The following SLAMF6 variants were observed in gnomAD, a reference collection of about 807,000 sequenced individuals.
SLAMF6 encodes NK-T-B-antigen.
A neutral mutation model predicts 38.3 loss-of-function variants in SLAMF6; 21 were observed. The observed-to-expected ratio is 0.55, with a 90% CI of 0.39 to 0.79. SLAMF6 has a LOEUF of 0.79. SLAMF6 is among the 30% of genes least tolerant of loss of function. The pLI is 0.00. For synonymous variants in SLAMF6, 152 were observed against 146.3 expected (o/e 1.04, Z -0.28); for missense variants, 341 against 385.3 (o/e 0.89, Z 0.96).
At position 160,517,112 on chromosome 1, in the gene SLAMF6, C is replaced by T. The variant is rs577553414; in HGVS notation, c.49+6032G>A. 1.6e-4 allele frequency among the ~76,000 whole-genome samples: 25 copies of T among 152,230 alleles called. 1 individual carries two copies. Among genetic ancestry groups the T allele is most frequent in the Non-Finnish European group, 2.5e-4 (17 of 68,012 alleles). ...GAGAAAATTTTTGCAATCTATTCAT[C>T]TGTTAAAGGTCTAATATCCAGATTC... On this transcript the variant is annotated intron_variant, in intron 1 of 7. Transcript: ENST00000368057.
chr1:160,496,499 CA>C, intron 1 of SLAMF6, 106 bp from the exon 2 acceptor site: 1 of 1,072,686 alleles, frequency 9.3e-7, no homozygotes, highest in Non-Finnish European at 1.4e-6. Flanking sequence ...TCTCTGATAC[CA>C]AAACTCAGAG....
At position 160,505,592 on chromosome 1, in the gene SLAMF6, G is replaced by A. The variant is rs554081750; in HGVS notation, c.50-9199C>T. Among the ~76,000 whole-genome samples, 384 of 152,138 alleles carry A rather than the reference G, an allele frequency of 2.5e-3. 3 individuals are homozygous for A. Among genetic ancestry groups the A allele is most frequent in the Non-Finnish European group, 3.0e-3 (206 of 67,998 alleles). The stretch of plus-strand genomic sequence containing the variant: ...AATTTTTAAAATATTTTGTAGAGAT[G>A]CAGTTTCACTATGTTGCCCAGGCTG... On this transcript the variant is annotated intron_variant, in intron 1 of 7. Transcript: ENST00000368057.
At chr1:160,507,448 A>G (rs1284103792) in intron 1 of SLAMF6, among the ~76,000 whole-genome samples, 2 of 152,168 alleles carry the variant, frequency 1.3e-5, no homozygotes, top group African/African-American at 4.8e-5. Context: ...AGTTGGAGAC[A>G]TCAATACCTC....
intron 2 of SLAMF6, among the ~76,000 whole-genome samples, chr1:160,494,697 G>C (rs865830935): frequency 3.3e-5 from 5 of 152,138 alleles, no homozygotes; most frequent in African/African-American, 1.2e-4. Flanking sequence ...TGGAGGTAGA[G>C]ATTGGTGTGA....
At chr1:160,488,501 G>A (rs1653089546) in intron 6 of SLAMF6, among the ~76,000 whole-genome samples, 1 of 152,138 alleles carries the variant, frequency 6.6e-6, no homozygotes, top group Non-Finnish European at 1.5e-5. Flanking sequence ...AGGGGTGGTG[G>A]GGAGTTGCTG....
intron 1 of SLAMF6, among the ~76,000 whole-genome samples, chr1:160,521,332 C>A (rs1261638196): frequency 2.0e-5 from 3 of 152,112 alleles, no homozygotes; most frequent in Non-Finnish European, 4.4e-5. Context: ...GTGTTCTGTG[C>A]CTTCTTTCCC....
chr1:160,491,488 T>G (rs1005166134), intron 2 of SLAMF6, 100 bp from the exon 3 acceptor site: 12 of 1,501,498 alleles, frequency 8.0e-6, no homozygotes, highest in Admixed American at 6.1e-5. Context: ...ATTTCACCTT[T>G]GCTGTGTGTT....
intron 2 of SLAMF6, among the ~76,000 whole-genome samples, chr1:160,492,010 G>A (rs1653330347): frequency 6.6e-6 from 1 of 152,176 alleles, no homozygotes; most frequent in Non-Finnish European, 1.5e-5. Context: ...AGTGGGGAAG[G>A]AAGAAGTGAA....
intron 1 of SLAMF6, among the ~76,000 whole-genome samples, chr1:160,515,382 A>G (rs535742848): frequency 1.5e-3 from 231 of 152,020 alleles, no homozygotes; most frequent in African/African-American, 5.2e-3. Context: ...GTCTAAAAGA[A>G]AAAGCCCAGG....
chr1:160,508,721 C>A lies in SLAMF6; in HGVS notation c.50-12328G>T, dbSNP rs376084391. ...AGAAACTACCATCAGAGTGAACAGA[C>A]AACCTACATAATGGGAGAAAATTTT... is the stretch of plus-strand genomic sequence containing the variant. On this transcript the variant is annotated intron_variant, in intron 1 of 7. Transcript: ENST00000368057. Among the ~76,000 whole-genome samples, 36 of 152,186 alleles carry A rather than the reference C, an allele frequency of 2.4e-4. No individual in the cohort carries two copies. The East Asian group carries it at 4.8e-3, about 20-fold the overall frequency.
At chr1:160,504,727 A>C (rs1654090768) in intron 1 of SLAMF6, among the ~76,000 whole-genome samples, 2 of 152,262 alleles carry the variant, frequency 1.3e-5, no homozygotes, top group East Asian at 3.8e-4. Flanking sequence ...GCAAAACATT[A>C]TAGTGGAGGC....
At chr1:160,504,208 A>G (rs955041261) in intron 1 of SLAMF6, among the ~76,000 whole-genome samples, 1 of 152,074 alleles carries the variant, frequency 6.6e-6, no homozygotes, top group Non-Finnish European at 1.5e-5. Flanking sequence ...TACAACATGA[A>G]GGCTATACTT....
rs1557930117 is a variant in SLAMF6, at chr1:160,485,048, T to A, written c.*1659A>T. The A allele has an allele frequency of 6.6e-6, 1 of 152,132 alleles. No homozygotes were observed. The highest frequency in any genetic ancestry group is 1.5e-5 in the Non-Finnish European group (1 of 68,016). The allele number at this position is 152,132 out of a possible 1,614,324, so 9.4% of individuals were successfully genotyped here. On this transcript the variant is annotated 3_prime_UTR_variant, in exon 8 of 8. Transcript: ENST00000368057. ...CAGAATAATAAGATCTATTTCATTT[T>A]ATTTTATTTATTTATTTTTTGAGAC...
chr1:160,515,952 G>T (rs1654721143), intron 1 of SLAMF6, among the ~76,000 whole-genome samples: 1 of 152,130 alleles, frequency 6.6e-6, no homozygotes, highest in Non-Finnish European at 1.5e-5. Flanking sequence ...ATAAGACAAG[G>T]ATGCCCTCTC....
intron 1 of SLAMF6, among the ~76,000 whole-genome samples, chr1:160,522,646 C>A (rs1039676269): frequency 1.3e-5 from 2 of 151,006 alleles, no homozygotes; most frequent in Non-Finnish European, 2.9e-5. Flanking sequence ...TTGCAATGAG[C>A]AAAAGGTGAG....
At chr1:160,489,270 G>T in intron 5 of SLAMF6, 100 bp from the exon 6 acceptor site, 1 of 1,140,078 alleles carries the variant, frequency 8.8e-7, no homozygotes, top group South Asian at 1.3e-5. Context: ...CAGATAGGCA[G>T]GTGTTTGAAG....
At chr1:160,517,190 A>C (rs1475301023) in intron 1 of SLAMF6, among the ~76,000 whole-genome samples, 1 of 152,240 alleles carries the variant, frequency 6.6e-6, no homozygotes, top group African/African-American at 2.4e-5. Flanking sequence ...CCCCATTAAA[A>C]GGCGAGCAAA....
Position 160,520,083 on chromosome 1 carries a change from A to C in SLAMF6, c.49+3061T>G, listed in dbSNP as rs574612469. 2.6e-5 allele frequency among the ~76,000 whole-genome samples: 4 copies of C among 152,272 alleles called. No individual in the cohort carries two copies. In the East Asian group the frequency reaches 7.7e-4, roughly 29 times the overall value. On this transcript the variant is annotated intron_variant, in intron 1 of 7. Coordinates refer to ENST00000368057, the MANE Select transcript of SLAMF6 (RefSeq NM_001184714.2). ...GGTGGAAAAACACGTGTCTGAGGATAATGAAAAAATATAAAACAGCTCTCT... is the reference window on the plus strand; with the variant it reads ...GGTGGAAAAACACGTGTCTGAGGATCATGAAAAAATATAAAACAGCTCTCT...
Sources: allele counts gnomAD v4.1 joint callset (sites outside exome capture counted in the v4.1 genomes callset), GRCh38; gene constraint gnomAD v4.1.1; transcripts MANE v1.5; gene names NCBI Gene and HGNC (gene_info 2026-07-23, HGNC 2026-07-21).